Variants in CDH13 observed in about 807,000 individuals in gnomAD.
CDH13 encodes cadherin-13.
In CDH13, 24 loss-of-function variants were observed where a neutral mutation model predicts 63.8. The ratio of observed to expected loss-of-function variants is 0.38; its 90% CI spans 0.27 to 0.53. The LOEUF is 0.53. Among genes scored for constraint, CDH13 ranks in the 20% least tolerant of loss-of-function variants. The probability of loss-of-function intolerance (pLI) is 0.85; values close to 1 mark genes in which losing one functional copy is unlikely to be tolerated. For synonymous variants in CDH13, 503 were observed against 355.3 expected, an observed-to-expected ratio of 1.42 and a Z score of -4.67; for missense variants, 1,049 against 903.1, an observed-to-expected ratio of 1.16 and a Z score of -2.07.
intron 1 of CDH13, among the ~76,000 whole-genome samples, chr16:82,784,039 C>T (rs1296290173): frequency 1.3e-5 from 2 of 152,154 alleles, no homozygotes; most frequent in Non-Finnish European, 2.9e-5. Context: ...TATCCTTTTT[C>T]ACTCTTGCCC....
At chr16:83,343,725 A>G (rs1027017460) in intron 5 of CDH13, among the ~76,000 whole-genome samples, 1 of 152,242 alleles carries the variant, frequency 6.6e-6, no homozygotes, top group Admixed American at 6.5e-5. Context: ...ATGATAGACC[A>G]TATTTAAATG....
At chr16:83,658,297 TCACCACCAGG>T (rs1913078246) in intron 8 of CDH13, among the ~76,000 whole-genome samples, 1 of 113,534 alleles carries the variant, frequency 8.8e-6, no homozygotes. Context: ...TCTCATGTCC[TCACCACCAGG>T]TCCCGTATCC....
At chr16:82,820,293 G>A (rs574059385) in intron 1 of CDH13, among the ~76,000 whole-genome samples, 6 of 152,284 alleles carry the variant, frequency 3.9e-5, no homozygotes, top group East Asian at 1.9e-4. Flanking sequence ...ACACGTTTAC[G>A]TTGGTACTCA....
intron 6 of CDH13, among the ~76,000 whole-genome samples, chr16:83,452,685 A>G (rs370966506): frequency 1.3e-5 from 2 of 152,244 alleles, no homozygotes; most frequent in Admixed American, 6.5e-5. Flanking sequence ...GCAATTAAAT[A>G]GAGAAAATAA....
At chr16:83,461,857 G>T (rs577215381) in intron 6 of CDH13, among the ~76,000 whole-genome samples, 5 of 152,180 alleles carry the variant, frequency 3.3e-5, no homozygotes, top group African/African-American at 1.2e-4. Context: ...CTGGCTCTGT[G>T]TACCCAAGAT....
chr16:83,096,858 G>A (rs2034226699), intron 3 of CDH13, among the ~76,000 whole-genome samples: 1 of 152,142 alleles, frequency 6.6e-6, no homozygotes, highest in Non-Finnish European at 1.5e-5. Flanking sequence ...TAACATCTGA[G>A]TTTTTGTTTA....
At chr16:82,926,728 T>C (rs900470681) in intron 2 of CDH13, among the ~76,000 whole-genome samples, 4 of 152,172 alleles carry the variant, frequency 2.6e-5, no homozygotes, top group Non-Finnish European at 5.9e-5. Flanking sequence ...TCACCCAACC[T>C]CTGAGCAGTG....
chr16:83,779,181 C>T (rs780983436), intron 11 of CDH13, among the ~76,000 whole-genome samples: 3 of 151,710 alleles, frequency 2.0e-5, no homozygotes, highest in East Asian at 1.9e-4. Context: ...CCTAGGCAGG[C>T]GGATCACGAG....
chr16:83,792,714 G>C (rs1158413363), intron 13 of CDH13, among the ~76,000 whole-genome samples: 8 of 152,180 alleles, frequency 5.3e-5, no homozygotes, highest in Non-Finnish European at 5.9e-5. Flanking sequence ...ATTAGACACA[G>C]AAAGTGGAGA....
chr16:83,578,630 ATC>A (rs1905255341), intron 7 of CDH13, among the ~76,000 whole-genome samples: 3 of 152,200 alleles, frequency 2.0e-5, no homozygotes, highest in Non-Finnish European at 4.4e-5. Context: ...TTTAATGAGC[ATC>A]TATTAATACT....
At chr16:83,539,730 C>G (rs1434662651) in intron 7 of CDH13, among the ~76,000 whole-genome samples, 1 of 152,162 alleles carries the variant, frequency 6.6e-6, no homozygotes, top group Admixed American at 6.5e-5. Context: ...ATAGATGAAG[C>G]AATTGCAGCA....
chr16:83,458,913 A>G (rs1365726919), intron 6 of CDH13, among the ~76,000 whole-genome samples: 1 of 152,220 alleles, frequency 6.6e-6, no homozygotes, highest in Non-Finnish European at 1.5e-5. Flanking sequence ...GCTTCTAGAT[A>G]TTGTCAAGAG....
intron 4 of CDH13, 85 bp downstream of exon 4, chr16:83,125,586 C>T (rs934252382): frequency 4.2e-6 from 3 of 714,362 alleles, no homozygotes; most frequent in African/African-American, 1.8e-5. Flanking sequence ...TCTTGGTGAC[C>T]AGCTGGAATT....
At chr16:82,740,361 A>C (rs1231525990) in intron 1 of CDH13, among the ~76,000 whole-genome samples, 1 of 152,176 alleles carries the variant, frequency 6.6e-6, no homozygotes, top group African/African-American at 2.4e-5. Flanking sequence ...CACAAACTTC[A>C]AATTGTATTA....
chr16:83,082,189 G>C (rs1040670681), intron 3 of CDH13, among the ~76,000 whole-genome samples: 1 of 152,182 alleles, frequency 6.6e-6, no homozygotes, highest in African/African-American at 2.4e-5. Context: ...GGACACAGAA[G>C]TTCAGCTCGT....
intron 1 of CDH13, chr16:82,719,394 G>T (rs116577820): frequency 6.4e-5 from 29 of 455,968 alleles, no homozygotes; most frequent in African/African-American, 5.8e-4. Flanking sequence ...CCCAGTTCCA[G>T]GCCCTTCCAC....
chr16:82,852,876 G>A (rs1202103379), intron 1 of CDH13, among the ~76,000 whole-genome samples: 1 of 152,086 alleles, frequency 6.6e-6, no homozygotes, highest in Non-Finnish European at 1.5e-5. Flanking sequence ...CTGCCAGTTG[G>A]CAACCTACAG....
chr16:82,957,986 T>A (rs1906380514), intron 2 of CDH13, among the ~76,000 whole-genome samples: 1 of 152,224 alleles, frequency 6.6e-6, no homozygotes, highest in Admixed American at 6.5e-5. Context: ...TTCTTCTTAA[T>A]GTACTTGGTC....
chr16:83,522,607 T>G (rs2074866881), intron 7 of CDH13, among the ~76,000 whole-genome samples: 1 of 152,168 alleles, frequency 6.6e-6, no homozygotes, highest in South Asian at 2.1e-4. Context: ...TAAATGAAAG[T>G]AATAAAGCAC....
Sources: allele counts gnomAD v4.1 joint callset (sites outside exome capture counted in the v4.1 genomes callset), GRCh38; gene constraint gnomAD v4.1.1; transcripts MANE v1.5; gene names NCBI Gene and HGNC (gene_info 2026-07-23, HGNC 2026-07-21).